The following FAM204A variants were observed in gnomAD, a reference collection of about 807,000 sequenced individuals.
The protein encoded by FAM204A is protein FAM204A.
In FAM204A, 16 loss-of-function variants were observed where a neutral mutation model predicts 35.4. That is an observed-to-expected ratio of 0.45 (90% CI 0.31 to 0.69). FAM204A has a LOEUF of 0.69. Among genes scored for constraint, FAM204A ranks in the 30% least tolerant of loss-of-function variants. The pLI, the probability that FAM204A is intolerant of heterozygous loss-of-function variation, is 0.07. For synonymous variants in FAM204A, 76 were observed against 86.9 expected (o/e 0.88, Z 0.70); for missense variants, 240 against 265.7 (o/e 0.90, Z 0.67).
intron 2 of FAM204A, among the ~76,000 whole-genome samples, chr10:118,338,133 GT>G (rs1259613831): frequency 3.9e-5 from 6 of 152,114 alleles, no homozygotes; most frequent in African/African-American, 9.7e-5. Context: ...ACTGTACCTA[GT>G]TTTCTATTCA....
At chr10:118,327,515 C>T (rs560952454) in intron 6 of FAM204A, among the ~76,000 whole-genome samples, 6 of 152,284 alleles carry the variant, frequency 3.9e-5, no homozygotes, top group African/African-American at 1.4e-4. Context: ...TGAGGCCATA[C>T]GGATCTAATG....
At chr10:118,319,098 T>G (rs553312958) in intron 7 of FAM204A, among the ~76,000 whole-genome samples, 70 of 152,112 alleles carry the variant, frequency 4.6e-4, no homozygotes, top group African/African-American at 1.6e-3. Flanking sequence ...TCCTGAATAC[T>G]AGAGCAAGTG....
intron 2 of FAM204A, among the ~76,000 whole-genome samples, chr10:118,338,114 T>C (rs567202122): frequency 1.3e-5 from 2 of 152,226 alleles, no homozygotes; most frequent in South Asian, 4.1e-4. Context: ...GCACAGGTCC[T>C]TCCAAAGCAC....
intron 8 of FAM204A, 140 bp downstream of exon 8, chr10:118,311,067 A>G: frequency 9.7e-7 from 1 of 1,027,188 alleles, no homozygotes; most frequent in South Asian, 1.4e-5. Context: ...ATGCCTCTAT[A>G]TTTATAATCT....
intron 7 of FAM204A, among the ~76,000 whole-genome samples, chr10:118,316,916 C>G (rs984110777): frequency 1.3e-5 from 2 of 151,852 alleles, no homozygotes; most frequent in African/African-American, 4.8e-5. Context: ...TGGATACAGA[C>G]GTTTATATTC....
intron 6 of FAM204A, among the ~76,000 whole-genome samples, chr10:118,331,842 T>C (rs1301171123): frequency 9.4e-6 from 1 of 106,116 alleles, no homozygotes. Context: ...TTTTGTTACC[T>C]TTATATATAT....
In FAM204A at chr10:118,308,765, T is replaced by G. The variant is rs1845903630; in HGVS notation, c.*2092A>C. ...CACTGGAGCAGGCTGAAGAAGGGCTTCCTTGGCTGGACAGGATCCCAAGTC... is the reference window on the plus strand; with the variant it reads ...CACTGGAGCAGGCTGAAGAAGGGCTGCCTTGGCTGGACAGGATCCCAAGTC... On this transcript the variant is annotated 3_prime_UTR_variant, in exon 9 of 9. Transcript: ENST00000369183. The G allele has an allele frequency of 2.0e-5, 3 of 153,816 alleles. No homozygotes were observed. The highest frequency in any genetic ancestry group is 4.4e-5 in the Non-Finnish European group (3 of 68,862). 9.5% of individuals were successfully genotyped at this position (153,816 alleles called of 1,614,324 possible). A position where few individuals can be genotyped will look rare whatever the true frequency, so the allele number is the denominator to read the frequency against.
At chr10:118,332,596 T>A (rs1564762684) in intron 6 of FAM204A, among the ~76,000 whole-genome samples, 2 of 151,554 alleles carry the variant, frequency 1.3e-5, no homozygotes, top group Non-Finnish European at 2.9e-5. Context: ...GCCTTTTAAC[T>A]GATCTATGTA....
At chr10:118,335,256 TCTTTA>T (rs766387574) in intron 5 of FAM204A, 43 bp from the exon 6 acceptor site, 3 of 1,574,620 alleles carry the variant, frequency 1.9e-6, no homozygotes, top group Non-Finnish European at 1.7e-6. Flanking sequence ...ATATATACTG[TCTTTA>T]CTTTTACTGT....
chr10:118,326,923 A>G (rs1846206060), intron 6 of FAM204A, among the ~76,000 whole-genome samples: 1 of 152,222 alleles, frequency 6.6e-6, no homozygotes, highest in African/African-American at 2.4e-5. Flanking sequence ...GTTTTTATTT[A>G]CTAAAGATAC....
intron 7 of FAM204A, among the ~76,000 whole-genome samples, chr10:118,316,627 C>T (rs1846034914): frequency 1.3e-5 from 2 of 152,002 alleles, no homozygotes; most frequent in Non-Finnish European, 2.9e-5. Flanking sequence ...ATTTTTATAC[C>T]TACAACTCCT....
intron 2 of FAM204A, among the ~76,000 whole-genome samples, chr10:118,341,249 G>T (rs1846476376): frequency 6.6e-6 from 1 of 152,042 alleles, no homozygotes; most frequent in Admixed American, 6.6e-5. Flanking sequence ...ATCGTATAAG[G>T]CTGTCTTATT....
intron 8 of FAM204A, 25 bp from the exon 9 acceptor site, chr10:118,310,933 C>T (rs1249734930): frequency 2.6e-6 from 4 of 1,546,872 alleles, no homozygotes; most frequent in Middle Eastern, 1.7e-4. Flanking sequence ...ATACAAATCT[C>T]AATTTATTTC....
chr10:118,317,211 C>T (rs1846044948), intron 7 of FAM204A, among the ~76,000 whole-genome samples: 1 of 151,950 alleles, frequency 6.6e-6, no homozygotes, highest in South Asian at 2.1e-4. Flanking sequence ...AAGAAAGAAA[C>T]CAAGGGTGCT....
At chr10:118,336,089 C>A in intron 3 of FAM204A, 93 bp downstream of exon 3, 1 of 1,441,216 alleles carries the variant, frequency 6.9e-7, no homozygotes, top group Non-Finnish European at 9.3e-7. Context: ...TGTTAAGTCC[C>A]AAGAATACAT....
intron 7 of FAM204A, among the ~76,000 whole-genome samples, chr10:118,324,233 G>A (rs1470695754): frequency 1.3e-5 from 2 of 152,064 alleles, no homozygotes; most frequent in Non-Finnish European, 2.9e-5. Flanking sequence ...GAACTTATAA[G>A]ATGGGAAGGG....
rs781425190 is a variant in FAM204A at position 118,304,504 on chromosome 10, T to C, written c.*6353A>G. 1.3e-5 allele frequency: 2 copies of C among 152,464 alleles called. No individual in the cohort carries two copies. Among genetic ancestry groups the C allele is most frequent in the Non-Finnish European group, 2.9e-5 (2 of 68,204 alleles). The allele number at this position is 152,464 out of a possible 1,614,324, so 9.4% of individuals were successfully genotyped here. On this transcript the variant is annotated 3_prime_UTR_variant, in exon 9 of 9. Coordinates refer to ENST00000369183, the MANE Select transcript of FAM204A (RefSeq NM_022063.3). Reference sequence around the variant, plus strand: ...TGTGAGTTGGTTCTGGCCAGCTCTTTTCAACGCCATCTCTTTCTGCTGCTC... The same window carrying C: ...TGTGAGTTGGTTCTGGCCAGCTCTTCTCAACGCCATCTCTTTCTGCTGCTC...
chr10:118,312,799 C>T (rs192181432), intron 7 of FAM204A, among the ~76,000 whole-genome samples: 9 of 152,266 alleles, frequency 5.9e-5, no homozygotes, highest in African/African-American at 2.2e-4. Flanking sequence ...AACATTCATT[C>T]AACAAATTTT....
intron 6 of FAM204A, among the ~76,000 whole-genome samples, chr10:118,329,351 C>T (rs1846252124): frequency 6.6e-6 from 1 of 152,160 alleles, no homozygotes; most frequent in Admixed American, 6.5e-5. Flanking sequence ...ACATCCCACT[C>T]CCTTCACAAT....
Sources: gnomAD v4.1 joint callset for allele counts (sites outside exome capture counted in the v4.1 genomes callset) on GRCh38, gnomAD v4.1.1 for gene constraint, MANE v1.5 for transcripts, NCBI Gene and HGNC (gene_info 2026-07-23, HGNC 2026-07-21) for gene names.